CUBN: variants seen among roughly 807,000 people sequenced by gnomAD.
The protein encoded by CUBN is 460 kDa receptor.
A neutral mutation model predicts 405.3 loss-of-function variants in CUBN; 282 were observed. That is an observed-to-expected ratio of 0.70 (90% CI 0.63 to 0.77). CUBN has a LOEUF of 0.77. Ranked by LOEUF, CUBN falls within the 30% of genes least tolerant of loss-of-function variation. CUBN has a pLI of 0.00. For missense variants in CUBN, 4,514 were observed against 4,475.2 expected (o/e 1.01, Z -0.25); for synonymous variants, 1,684 against 1,617.0 (o/e 1.04, Z -0.99).
chr10:17,003,260 G>A (rs1298506885), intron 28 of CUBN, among the ~76,000 whole-genome samples: 1 of 152,088 alleles, frequency 6.6e-6, no homozygotes, highest in Non-Finnish European at 1.5e-5. Context: ...CTCTCTGTGT[G>A]ACATTATGTC....
Position 16,916,117 on chromosome 10 carries a change from C to T in CUBN, c.7001-87G>A, listed in dbSNP as rs530107598. 330 of 1,345,500 alleles carry T rather than the reference C, an allele frequency of 2.5e-4. 3 individuals carry two copies. The South Asian group carries it at 4.0e-3, about 17-fold the overall frequency. The allele number at this position is 1,345,500 out of a possible 1,614,324, so 83.3% of individuals were successfully genotyped here. ...ATTACAAATTTTGTTTTCTTCATTTCACCAGCACATTTGAAAACTTTTAGG... is the reference window on the plus strand; with the variant it reads ...ATTACAAATTTTGTTTTCTTCATTTTACCAGCACATTTGAAAACTTTTAGG... On this transcript the variant is annotated intron_variant, in intron 45 of 66. Transcript: ENST00000377833.
At chr10:17,120,627 C>A (rs1417014526) in intron 6 of CUBN, among the ~76,000 whole-genome samples, 1 of 151,892 alleles carries the variant, frequency 6.6e-6, no homozygotes, top group African/African-American at 2.4e-5. Flanking sequence ...TTCCTTTCCT[C>A]CTAGCTCTCA....
intron 31 of CUBN, among the ~76,000 whole-genome samples, chr10:16,961,734 C>G (rs1376296552): frequency 1.1e-5 from 1 of 93,324 alleles, no homozygotes; most frequent in African/African-American, 4.1e-5. Flanking sequence ...TTTTTTGAGA[C>G]GGAGTCTCGC....
At chr10:16,948,383 G>T in intron 35 of CUBN, 95 bp downstream of exon 35, 1 of 1,551,024 alleles carries the variant, frequency 6.4e-7, no homozygotes. Context: ...CAGGAAACTG[G>T]CTCCCAACTA....
At chr10:17,004,737 T>C (rs978291326) in intron 28 of CUBN, among the ~76,000 whole-genome samples, 1 of 151,186 alleles carries the variant, frequency 6.6e-6, no homozygotes, top group Non-Finnish European at 1.5e-5. Context: ...TGGTGCCATC[T>C]TGGCTCACTG....
chr10:16,973,389 T>C (rs1227856376), intron 31 of CUBN, among the ~76,000 whole-genome samples: 4 of 152,214 alleles, frequency 2.6e-5, no homozygotes, highest in Non-Finnish European at 5.9e-5. Flanking sequence ...TGCTAAATCC[T>C]AGGTGCTATA....
intron 59 of CUBN, among the ~76,000 whole-genome samples, chr10:16,861,157 A>G (rs1891474): frequency 0.033 from 4,965 of 150,696 alleles, 282 homozygotes; most frequent in African/African-American, 0.11. Flanking sequence ...CATTTTCCCA[A>G]TGAATGCCTT....
chr10:16,849,968 T>C (rs540312292), intron 60 of CUBN, among the ~76,000 whole-genome samples: 1 of 152,240 alleles, frequency 6.6e-6, no homozygotes, highest in Non-Finnish European at 1.5e-5. Context: ...ATGTAGGCCA[T>C]CTTATTTCTT....
intron 28 of CUBN, among the ~76,000 whole-genome samples, chr10:17,012,571 G>A (rs7907523): frequency 0.4 from 60,288 of 152,030 alleles, 12,268 homozygotes; most frequent in East Asian, 0.58. Flanking sequence ...AGAGTGTGTG[G>A]TAGTAGGATA....
At position 16,947,300 on chromosome 10, in the gene CUBN, G is replaced by T. The variant is rs375219681; in HGVS notation, c.5277C>A (p.Pro1759=). 2 of 1,613,922 alleles carry T rather than the reference G, an allele frequency of 1.2e-6. No homozygotes were observed. Among genetic ancestry groups the T allele is most frequent in the African/African-American group, 2.7e-5 (2 of 74,910 alleles). The stretch of plus-strand genomic sequence containing the variant: ...TGTTCCAGACACATTCCACATTAGG[G>T]GGATAAATGTCTGGGTAGCCAGGGC... ...FNSPGYPDIY[P]PNVECVWNIV... is the part of the protein sequence containing the mutation. Residue 1759 remains proline (P), a synonymous_variant, in exon 36 of 67, where the codon CCC becomes CCA. Transcript: ENST00000377833.
At chr10:17,059,491 G>A (rs942253914) in intron 22 of CUBN, among the ~76,000 whole-genome samples, 1 of 152,086 alleles carries the variant, frequency 6.6e-6, no homozygotes, top group African/African-American at 2.4e-5. Flanking sequence ...ATTACATTGA[G>A]GCTCAATCTT....
In CUBN at chr10:17,046,017, C is replaced by T. The variant is rs1433177884; in HGVS notation, c.3407G>A (p.Ser1136Asn). ...CTTAAATTTTAACCATAGTTTGTTA[C>T]TATGAGAGATGATTGTTGGGGGTAG... is the stretch of plus-strand genomic sequence containing the variant. ...SNLPPTIISH[S>N]NKLWLKFKSD... The change falls in exon 24 of 67, where the codon AGT becomes AAT. Residue 1136 changes from serine to asparagine, a missense_variant. Physicochemically the swap from Ser to Asn is conservative, Grantham distance 46 (BLOSUM62 1). Around this residue, in one of 5 missense-constraint regions of CUBN, gnomAD observed 1,448 missense variants for 1,388.0 expected, o/e 1.04. Transcript: ENST00000377833. The T allele has an allele frequency of 4.3e-6, 7 of 1,613,718 alleles. No homozygotes were observed. The African/African-American group carries it at 6.7e-5, about 15-fold the overall frequency.
At chr10:16,879,492 C>A (rs189244143) in intron 56 of CUBN, among the ~76,000 whole-genome samples, 115 of 152,328 alleles carry the variant, frequency 7.5e-4, no homozygotes, top group Non-Finnish European at 1.3e-3. Context: ...TTTATATAAG[C>A]ACATGCTATG....
At chr10:17,036,676 G>A (rs1031637162) in intron 27 of CUBN, among the ~76,000 whole-genome samples, 7 of 152,146 alleles carry the variant, frequency 4.6e-5, no homozygotes, top group Admixed American at 4.6e-4. Flanking sequence ...AGATCAGTAA[G>A]ATTAACAGTA....
chr10:17,122,516 C>T (rs1472404163), intron 6 of CUBN: 2 of 487,556 alleles, frequency 4.1e-6, no homozygotes, highest in African/African-American at 4.0e-5. Context: ...TTGCACCAGG[C>T]CATGCTTACT....
chr10:16,886,501 A>G (rs1017010435), intron 56 of CUBN, among the ~76,000 whole-genome samples: 3 of 152,228 alleles, frequency 2.0e-5, no homozygotes, highest in African/African-American at 7.2e-5. Context: ...TATGGTTATG[A>G]GTGGTTGAAA....
intron 33 of CUBN, 92 bp downstream of exon 33, chr10:16,952,184 T>G (rs1842937718): frequency 1.1e-6 from 1 of 872,166 alleles, no homozygotes; most frequent in East Asian, 2.5e-5. Flanking sequence ...CATCGATTGT[T>G]AGCACTGAGA....
intron 21 of CUBN, among the ~76,000 whole-genome samples, chr10:17,067,758 G>T (rs1237722000): frequency 1.3e-5 from 2 of 152,138 alleles, no homozygotes; most frequent in Non-Finnish European, 2.9e-5. Flanking sequence ...AAGTAGATTT[G>T]TGGTTTCCTG....
intron 43 of CUBN, among the ~76,000 whole-genome samples, chr10:16,921,082 T>C (rs954679010): frequency 6.6e-6 from 1 of 152,212 alleles, no homozygotes; most frequent in Non-Finnish European, 1.5e-5. Context: ...TTGATGCCCC[T>C]GCAAATATAT....
Sources: gnomAD v4.1 joint callset for allele counts (sites outside exome capture counted in the v4.1 genomes callset) on GRCh38, gnomAD v4.1.1 for gene constraint, gnomAD v4.1.1 regional missense constraint, MANE v1.5 for transcripts, NCBI Gene and HGNC (gene_info 2026-07-23, HGNC 2026-07-21) for gene names.